Variants in TDRD5 observed in about 807,000 individuals in gnomAD.
TDRD5 encodes tudor domain containing 5, also known as tudor domain-containing protein 5.
TDRD5 carries 41 observed loss-of-function variants against 120.6 expected under a neutral mutation model. The ratio of observed to expected loss-of-function variants is 0.34; its 90% CI spans 0.26 to 0.44. The LOEUF is 0.44. Ranked by LOEUF, TDRD5 falls within the 20% of genes least tolerant of loss-of-function variation. TDRD5 has a pLI of 1.00. For missense variants in TDRD5, 1,006 were observed against 1,221.2 expected (o/e 0.82, Z 2.63); for synonymous variants, 430 against 433.7 (o/e 0.99, Z 0.11).
At chr1:179,667,460 G>T (rs1295341167) in intron 16 of TDRD5, among the ~76,000 whole-genome samples, 1 of 152,160 alleles carries the variant, frequency 6.6e-6, no homozygotes, top group Non-Finnish European at 1.5e-5. Flanking sequence ...CTAGGGCCTA[G>T]TCTTTACCAC....
intron 4 of TDRD5, among the ~76,000 whole-genome samples, chr1:179,618,130 C>G (rs1280262366): frequency 2.6e-5 from 4 of 152,130 alleles, no homozygotes; most frequent in Non-Finnish European, 5.9e-5. Flanking sequence ...CCTTTTCCCC[C>G]ACTCTCTTTG....
At chr1:179,657,389 C>G (rs926017793) in intron 14 of TDRD5, among the ~76,000 whole-genome samples, 19 of 151,964 alleles carry the variant, frequency 1.3e-4, no homozygotes, top group Admixed American at 3.3e-4. Context: ...AAATGTTTTC[C>G]CCAGTTTTTG....
At chr1:179,592,521 T>G in intron 1 of TDRD5, 81 bp from the exon 2 acceptor site, 1 of 1,122,988 alleles carries the variant, frequency 8.9e-7, no homozygotes, top group Non-Finnish European at 1.3e-6. Context: ...GTCTCAGTTA[T>G]TTGTATCCCA....
intron 11 of TDRD5, among the ~76,000 whole-genome samples, chr1:179,648,672 T>C (rs1251652799): frequency 6.6e-6 from 1 of 151,908 alleles, no homozygotes; most frequent in Non-Finnish European, 1.5e-5. Flanking sequence ...ATCAAAATCT[T>C]CTGGAGTTTT....
intron 17 of TDRD5, among the ~76,000 whole-genome samples, chr1:179,674,986 C>G (rs556147595): frequency 4.6e-5 from 7 of 151,980 alleles, no homozygotes; most frequent in South Asian, 2.1e-4. Context: ...TTCAAAGAAC[C>G]AACTTTTTGT....
At chr1:179,676,257 A>G (rs4347175) in intron 17 of TDRD5, among the ~76,000 whole-genome samples, 151,964 of 152,346 alleles carry the variant, frequency 1, 75,796 homozygotes, top group Middle Eastern at 1. Context: ...TGTGTTAGGC[A>G]AGTCTCCTGA....
chr1:179,684,328 CAGAA>C (rs1680587479), intron 17 of TDRD5, among the ~76,000 whole-genome samples: 4 of 152,076 alleles, frequency 2.6e-5, no homozygotes, highest in Non-Finnish European at 5.9e-5. Context: ...ATAGTTTGCT[CAGAA>C]TGATGGTTTC....
At chr1:179,595,889 G>C in intron 4 of TDRD5, 71 bp downstream of exon 4, 1 of 1,409,766 alleles carries the variant, frequency 7.1e-7, no homozygotes. Flanking sequence ...ACTTTGATCT[G>C]ATGGAAAAGT....
intron 11 of TDRD5, among the ~76,000 whole-genome samples, chr1:179,650,499 A>C (rs908721190): frequency 3.3e-5 from 5 of 151,324 alleles, no homozygotes; most frequent in Non-Finnish European, 1.5e-5. Flanking sequence ...TTTTGGCCTG[A>C]TAATTTGTTC....
chr1:179,681,497 A>C (rs1040447613), intron 17 of TDRD5, among the ~76,000 whole-genome samples: 5 of 152,188 alleles, frequency 3.3e-5, no homozygotes, highest in African/African-American at 1.2e-4. Flanking sequence ...AAAATGAGAA[A>C]TGTCTTTTAT....
intron 7 of TDRD5, among the ~76,000 whole-genome samples, chr1:179,633,558 G>T (rs1311648145): frequency 6.6e-6 from 1 of 151,658 alleles, no homozygotes; most frequent in Non-Finnish European, 1.5e-5. Context: ...CATCATATTG[G>T]CCAGGCTGGT....
chr1:179,603,167 AC>A (rs1675805322), intron 4 of TDRD5, among the ~76,000 whole-genome samples: 1 of 151,140 alleles, frequency 6.6e-6, no homozygotes, highest in Non-Finnish European at 1.5e-5. Flanking sequence ...TCTTGATTTG[AC>A]TCTCCGCTTG....
At chr1:179,689,764 C>T (rs1681013800) in intron 17 of TDRD5, among the ~76,000 whole-genome samples, 1 of 152,164 alleles carries the variant, frequency 6.6e-6, no homozygotes, top group Non-Finnish European at 1.5e-5. Context: ...GGGCACCCCT[C>T]CCCCAGCCTC....
At chr1:179,661,280 C>T (rs1222528522) in intron 14 of TDRD5, among the ~76,000 whole-genome samples, 1 of 151,732 alleles carries the variant, frequency 6.6e-6, no homozygotes, top group Non-Finnish European at 1.5e-5. Context: ...GCATTATATT[C>T]TTTCTGTTCT....
At chr1:179,652,610 T>A (rs1299634888) in intron 13 of TDRD5, among the ~76,000 whole-genome samples, 1 of 152,222 alleles carries the variant, frequency 6.6e-6, no homozygotes, top group African/African-American at 2.4e-5. Context: ...CAGCATTATT[T>A]ATCGAACTTG....
chr1:179,676,907 AG>A (rs1294005896), intron 17 of TDRD5, among the ~76,000 whole-genome samples: 1 of 152,234 alleles, frequency 6.6e-6, no homozygotes, highest in Non-Finnish European at 1.5e-5. Context: ...TAGCAAGACC[AG>A]GGAAGTTTTC....
intron 11 of TDRD5, among the ~76,000 whole-genome samples, chr1:179,650,229 C>T (rs557985007): frequency 1.6e-4 from 24 of 151,890 alleles, no homozygotes; most frequent in African/African-American, 3.4e-4. Context: ...GGTGAAACCC[C>T]GTCTCTACTA....
chr1:179,628,053 A>G (rs1677225536), intron 6 of TDRD5, among the ~76,000 whole-genome samples: 1 of 152,184 alleles, frequency 6.6e-6, no homozygotes, highest in Non-Finnish European at 1.5e-5. Flanking sequence ...ACATAGCATA[A>G]CTTATAGTAT....
rs1675943502 is a variant in TDRD5, at chr1:179,605,799, G to A, written c.831+9981G>A. On this transcript the variant is annotated intron_variant, in intron 4 of 17. Coordinates refer to ENST00000444136, the MANE Select transcript of TDRD5 (RefSeq NM_001199085.3). Reference sequence around the variant, plus strand: ...TTATGTCTTTTCATGGCTTTATAATGCATTTCTTCTTGGCACTGAGTAATA... The same window carrying A: ...TTATGTCTTTTCATGGCTTTATAATACATTTCTTCTTGGCACTGAGTAATA... Among the ~76,000 whole-genome samples, 3 of 152,016 alleles carry A rather than the reference G, an allele frequency of 2.0e-5. No individual in the cohort carries two copies. The South Asian group carries it at 6.2e-4, about 32-fold the overall frequency.
Sources: allele counts gnomAD v4.1 joint callset (sites outside exome capture counted in the v4.1 genomes callset), GRCh38; gene constraint gnomAD v4.1.1; transcripts MANE v1.5; gene names NCBI Gene and HGNC (gene_info 2026-07-23, HGNC 2026-07-21).